Variants in RCAN3 observed in about 807,000 individuals in gnomAD.
RCAN3 encodes calcipressin-3.
Under a neutral mutation model 21.9 loss-of-function variants are expected in RCAN3, and 19 were observed. That is an observed-to-expected ratio of 0.87 (90% CI 0.61 to 1.27). The LOEUF is 1.27. Ranked by LOEUF, RCAN3 falls within the 50% of genes most tolerant of loss-of-function variation. RCAN3 has a pLI of 0.00. For missense variants in RCAN3, 240 were observed against 300.1 expected (o/e 0.80, Z 1.48); for synonymous variants, 114 against 112.3 (o/e 1.01, Z -0.09).
At chr1:24,521,414 C>CA (rs1240882821) in intron 2 of RCAN3, among the ~76,000 whole-genome samples, 4 of 151,960 alleles carry the variant, frequency 2.6e-5, no homozygotes, top group Admixed American at 6.6e-5. Context: ...CAAAACAAAA[C>CA]AAAAAACCAA....
rs1650223844 is a variant in RCAN3, at chr1:24,536,312, C to T, written c.*1035C>T. Reference sequence around the variant, plus strand: ...TCAGCTTGCTTTGAAACAAAAGTCACACCTACTATTTTTCTATGAATTAGG... The same window carrying T: ...TCAGCTTGCTTTGAAACAAAAGTCATACCTACTATTTTTCTATGAATTAGG... On this transcript the variant is annotated 3_prime_UTR_variant, in exon 5 of 5. Coordinates refer to ENST00000374395, the MANE Select transcript of RCAN3 (RefSeq NM_013441.4). 6.6e-6 allele frequency: 1 copy of T among 152,212 alleles called. No individual in the cohort carries two copies. Among genetic ancestry groups the T allele is most frequent in the African/African-American group, 2.4e-5 (1 of 41,444 alleles). The allele number at this position is 152,212 out of a possible 1,614,324, so 9.4% of individuals were successfully genotyped here.
rs1649211082 is a variant in RCAN3 at position 24,525,833 on chromosome 1, A to G, written c.196-5385A>G. On this transcript the variant is annotated intron_variant, in intron 2 of 4. Coordinates refer to ENST00000374395, the MANE Select transcript of RCAN3 (RefSeq NM_013441.4). The surrounding 1 kb of genome is among the most constrained non-coding windows in gnomAD (Gnocchi z 4.1). The stretch of plus-strand genomic sequence containing the variant: ...TTATCAGGGGCAGCCTCAGGAATCT[A>G]CATGGGGATGTCTGTGGACTCACAG... Among the ~76,000 whole-genome samples the G allele has an allele frequency of 6.6e-6, 1 of 152,166 alleles. No individual in the cohort carries two copies. Among genetic ancestry groups the G allele is most frequent in the South Asian group, 2.1e-4 (1 of 4,830 alleles).
chr1:24,530,092 C>T (rs1367463163), intron 2 of RCAN3, among the ~76,000 whole-genome samples: 1 of 151,166 alleles, frequency 6.6e-6, no homozygotes, highest in East Asian at 1.9e-4. Flanking sequence ...GTGGCTCATA[C>T]CTATAATCCC....
intron 1 of RCAN3, 35 bp from the exon 2 acceptor site, chr1:24,514,279 G>A (rs1648116466): frequency 8.7e-7 from 1 of 1,152,696 alleles, no homozygotes; most frequent in Admixed American, 2.7e-5. Flanking sequence ...TTGGTCTTCG[G>A]AGTTTTACCT....
At chr1:24,534,984 C>G (rs1650110905) in intron 4 of RCAN3, 109 bp from the exon 5 acceptor site, 6 of 1,002,132 alleles carry the variant, frequency 6.0e-6, no homozygotes, top group Non-Finnish European at 8.7e-6. Context: ...ATTTAAAGAA[C>G]AAGAATCACC....
intron 3 of RCAN3, 139 bp from the exon 4 acceptor site, chr1:24,532,944 G>A (rs1324766778): frequency 3.8e-5 from 17 of 449,216 alleles, no homozygotes; most frequent in Admixed American, 2.6e-4. Context: ...GTGAGACTCC[G>A]TCTCAAAAAA....
Position 24,532,359 on chromosome 1 carries a change from T to C in RCAN3, c.370-724T>C, listed in dbSNP as rs543650329. Reference sequence around the variant, plus strand: ...CTCCCGCCTCCGCCTCCCAAGTAGCTGGGACTACAGGCATATGCCACCACA... The same window carrying C: ...CTCCCGCCTCCGCCTCCCAAGTAGCCGGGACTACAGGCATATGCCACCACA... On this transcript the variant is annotated intron_variant, in intron 3 of 4. Transcript: ENST00000374395. 8.5e-5 allele frequency among the ~76,000 whole-genome samples: 13 copies of C among 152,206 alleles called. No individual in the cohort carries two copies. The South Asian group carries it at 2.7e-3, about 32-fold the overall frequency.
At chr1:24,533,392 G>A (rs1649959346) in intron 4 of RCAN3, 138 bp downstream of exon 4, 2 of 603,120 alleles carry the variant, frequency 3.3e-6, no homozygotes, top group Non-Finnish European at 5.2e-6. Context: ...TTCCAGCTGT[G>A]GCATCTGCTT....
In RCAN3 at chr1:24,538,779, G is replaced by T. The variant is rs886964103; in HGVS notation, c.*3502G>T. On this transcript the variant is annotated 3_prime_UTR_variant, in exon 5 of 5. Transcript: ENST00000374395. ...TGAAGAGATACCAGGAGATAGAGGT[G>T]AAGTGCAGTACTTTTATTCTTTAAG... is the stretch of plus-strand genomic sequence containing the variant. 1 of 152,062 alleles carries T rather than the reference G, an allele frequency of 6.6e-6. No homozygotes were observed. Among genetic ancestry groups the T allele is most frequent in the Non-Finnish European group, 1.5e-5 (1 of 68,026 alleles). The allele number at this position is 152,062 out of a possible 1,614,324, so 9.4% of individuals were successfully genotyped here.
rs575789203 is a variant in RCAN3, at chr1:24,517,109, G to A, written c.195+2542G>A. On this transcript the variant is annotated intron_variant, in intron 2 of 4. Transcript: ENST00000374395. ...GTTTTTTTTTGTTTTTTTTTTGTTTGTTTGTTTGTTTTGGTGAGATGGAGT... is the reference window on the plus strand; with the variant it reads ...GTTTTTTTTTGTTTTTTTTTTGTTTATTTGTTTGTTTTGGTGAGATGGAGT... 1.0e-3 allele frequency among the ~76,000 whole-genome samples: 140 copies of A among 139,916 alleles called. 1 individual carries two copies. Among genetic ancestry groups the A allele is most frequent in the Middle Eastern group, 7.1e-3 (2 of 282 alleles). 91.8% of individuals were successfully genotyped at this position (139,916 alleles called of 152,430 possible). A position where few individuals can be genotyped will look rare whatever the true frequency, so the allele number is the denominator to read the frequency against.
intron 1 of RCAN3, among the ~76,000 whole-genome samples, chr1:24,513,505 A>G (rs559093324): frequency 6.6e-6 from 1 of 152,142 alleles, no homozygotes; most frequent in East Asian, 1.9e-4. Flanking sequence ...ATCTCTACCA[A>G]AAAAATATAA....
chr1:24,526,407 AAGAGAG>A (rs142301367), intron 2 of RCAN3, among the ~76,000 whole-genome samples: 2 of 150,494 alleles, frequency 1.3e-5, no homozygotes, highest in African/African-American at 2.4e-5. Flanking sequence ...TGGATTTTGG[AAGAGAG>A]AGAGAGAGAG....
rs1650362168 is a variant in RCAN3 at position 24,538,655 on chromosome 1, CGCCT to C, written c.*3383_*3386del. On this transcript the variant is annotated 3_prime_UTR_variant, in exon 5 of 5. Transcript: ENST00000374395. ...GTCTCGATCTCCTGACCTAGTGATC[CGCCT>C]GCCTTGGCCTCCCAAAGTGCTGGGA... 6.6e-6 allele frequency: 1 copy of C among 151,204 alleles called. No individual in the cohort carries two copies. The allele number at this position is 151,204 out of a possible 1,614,324, so 9.4% of individuals were successfully genotyped here. A position where few individuals can be genotyped will look rare whatever the true frequency, so the allele number is the denominator to read the frequency against.
intron 1 of RCAN3, 42 bp downstream of exon 1, chr1:24,503,192 G>T (rs974009835): frequency 2.1e-5 from 3 of 145,516 alleles, no homozygotes; most frequent in Non-Finnish European, 4.6e-5. Flanking sequence ...GGGCGGGTGG[G>T]GGGGGTGGTG....
intron 1 of RCAN3, among the ~76,000 whole-genome samples, chr1:24,503,945 T>A (rs1647261320): frequency 6.6e-6 from 1 of 152,242 alleles, no homozygotes; most frequent in Non-Finnish European, 1.5e-5. Flanking sequence ...TGTAAAGTAA[T>A]TTGTTTTAAG....
chr1:24,520,931 AT>A (rs946256994), intron 2 of RCAN3, among the ~76,000 whole-genome samples: 1 of 151,944 alleles, frequency 6.6e-6, no homozygotes, highest in African/African-American at 2.4e-5. Context: ...AATCCCAATG[AT>A]TTTTTTTGCA....
At position 24,535,231 on chromosome 1, in the gene RCAN3, C is replaced by T. The variant is rs1557581891; in HGVS notation, c.680C>T (p.Pro227Leu). The T allele has an allele frequency of 3.2e-6, 5 of 1,582,508 alleles. No individual in the cohort carries two copies. Among genetic ancestry groups the T allele is most frequent in the Admixed American group, 3.9e-5 (2 of 50,850 alleles). The change falls in exon 5 of 5, where the codon CCG (proline) becomes CTG (leucine). Residue 227 changes from proline (P) to leucine (L), a missense_variant. Pro to Leu is a moderately conservative substitution (Grantham distance 98). Coordinates refer to ENST00000374395, the MANE Select transcript of RCAN3 (RefSeq NM_013441.4). ...KIAQTRRPDP[P>L]TAALNEPQTF... is the part of the protein sequence containing the mutation. ...GCCCAGACGAGGCGCCCCGACCCTC[C>T]GACCGCAGCGTTGAATGAGCCCCAG...
chr1:24,533,629 G>A (rs549406500), intron 4 of RCAN3, among the ~76,000 whole-genome samples: 24 of 152,184 alleles, frequency 1.6e-4, no homozygotes, highest in Admixed American at 9.2e-4. Context: ...GGGAAACCCC[G>A]TCTCTACTAA....
intron 2 of RCAN3, among the ~76,000 whole-genome samples, chr1:24,523,302 T>G (rs1358944640): frequency 6.6e-6 from 1 of 152,032 alleles, no homozygotes. Context: ...TGACCTCAGG[T>G]GATCCGCCCG....
Sources: allele counts gnomAD v4.1 joint callset (sites outside exome capture counted in the v4.1 genomes callset), GRCh38; gene constraint gnomAD v4.1.1; non-coding constraint Gnocchi (gnomAD v3.1); transcripts MANE v1.5; gene names NCBI Gene and HGNC (gene_info 2026-07-23, HGNC 2026-07-21).